The following GRID1 variants were observed in gnomAD, a reference collection of about 807,000 sequenced individuals.
The protein encoded by GRID1 is glutamate receptor ionotropic, delta-1.
Under a neutral mutation model 98.0 loss-of-function variants are expected in GRID1, and 28 were observed. The ratio of observed to expected loss-of-function variants is 0.29; its 90% CI spans 0.21 to 0.39. The LOEUF (loss-of-function observed/expected upper bound fraction) is 0.39. Ranked by LOEUF, GRID1 falls within the 10% of genes least tolerant of loss-of-function variation. The pLI, the probability that GRID1 is intolerant of heterozygous loss-of-function variation, is 1.00. For synonymous variants in GRID1, 553 were observed against 538.5 expected, an observed-to-expected ratio of 1.03 and a Z score of -0.37; for missense variants, 1,111 against 1,340.5, an observed-to-expected ratio of 0.83 and a Z score of 2.67.
At position 85,612,318 on chromosome 10, in the gene GRID1, C is replaced by T. The variant is rs551689774; in HGVS notation, c.2601+1089G>A. Among the ~76,000 whole-genome samples, 94 of 152,290 alleles carry T rather than the reference C, an allele frequency of 6.2e-4. No homozygotes were observed. In the East Asian group the frequency reaches 0.015, roughly 25 times the overall value. On this transcript the variant is annotated intron_variant, in intron 15 of 15. Coordinates refer to ENST00000327946, the MANE Select transcript of GRID1 (RefSeq NM_017551.3). ...TCCCCAAATCAGTCTGAGAAGAGCCCGCCGGCTCTTACCTCCTCCTGGCTG... is the reference window on the plus strand; with the variant it reads ...TCCCCAAATCAGTCTGAGAAGAGCCTGCCGGCTCTTACCTCCTCCTGGCTG...
intron 2 of GRID1, among the ~76,000 whole-genome samples, chr10:86,273,134 T>C (rs1176958302): frequency 1.3e-5 from 2 of 150,752 alleles, no homozygotes; most frequent in Non-Finnish European, 3.0e-5. Context: ...CATTGTTCAA[T>C]TCCCACCTAT....
chr10:85,814,603 T>A (rs1174726201), intron 8 of GRID1, among the ~76,000 whole-genome samples: 6 of 151,862 alleles, frequency 4.0e-5, no homozygotes, highest in African/African-American at 1.4e-4. Flanking sequence ...GGAATTAAAA[T>A]AGGACATTAC....
At chr10:85,681,048 T>C (rs1841203065) in intron 12 of GRID1, among the ~76,000 whole-genome samples, 1 of 152,208 alleles carries the variant, frequency 6.6e-6, no homozygotes, top group South Asian at 2.1e-4. Context: ...ATTTGGGTGA[T>C]GACTACACTA....
intron 3 of GRID1, among the ~76,000 whole-genome samples, chr10:86,201,340 G>A (rs192496582): frequency 9.9e-5 from 15 of 152,202 alleles, no homozygotes; most frequent in Middle Eastern, 3.4e-3. Context: ...TATATGAGTC[G>A]CAAACCAACC....
At chr10:85,854,701 C>T in intron 7 of GRID1, 86 bp from the exon 8 acceptor site, 2 of 1,399,142 alleles carry the variant, frequency 1.4e-6, no homozygotes, top group Non-Finnish European at 2.0e-6. Context: ...AGGAAGTGGT[C>T]ACCAAGAACG....
chr10:86,117,091 C>G (rs1285149692), intron 4 of GRID1, among the ~76,000 whole-genome samples: 1 of 140,534 alleles, frequency 7.1e-6, no homozygotes, highest in Non-Finnish European at 1.7e-5. Context: ...ACCTTTACCA[C>G]CACCACCATT....
intron 4 of GRID1, among the ~76,000 whole-genome samples, chr10:86,008,117 A>G (rs1361602157): frequency 1.3e-5 from 2 of 152,280 alleles, no homozygotes; most frequent in Admixed American, 6.5e-5. Flanking sequence ...TGTTGGCCTG[A>G]TTACCCCTGA....
intron 2 of GRID1, among the ~76,000 whole-genome samples, chr10:86,348,377 A>G (rs1464380254): frequency 6.6e-6 from 1 of 152,224 alleles, no homozygotes; most frequent in African/African-American, 2.4e-5. Flanking sequence ...CGGCCAGGAA[A>G]GGCCTCCTGA....
chr10:86,321,099 CAAAAAAAA>C (rs71487246), intron 2 of GRID1, among the ~76,000 whole-genome samples: 1 of 89,736 alleles, frequency 1.1e-5, no homozygotes, highest in African/African-American at 3.9e-5. Flanking sequence ...GACTCCATCT[CAAAAAAAA>C]AAAAGAAAAA....
intron 4 of GRID1, among the ~76,000 whole-genome samples, chr10:85,963,030 C>G (rs1215577074): frequency 1.3e-5 from 2 of 152,148 alleles, no homozygotes; most frequent in Admixed American, 6.5e-5. Context: ...GCTGCCCAAC[C>G]CAGCCAGGGA....
At chr10:86,222,733 G>T (rs1321007750) in intron 2 of GRID1, among the ~76,000 whole-genome samples, 1 of 152,192 alleles carries the variant, frequency 6.6e-6, no homozygotes, top group Non-Finnish European at 1.5e-5. Context: ...GGGCAAAACT[G>T]CATTATGCCA....
intron 2 of GRID1, among the ~76,000 whole-genome samples, chr10:86,284,730 G>A (rs1486562240): frequency 6.6e-6 from 1 of 152,268 alleles, no homozygotes; most frequent in Non-Finnish European, 1.5e-5. Context: ...AAACGTGGAT[G>A]CTGTGGGGAA....
intron 12 of GRID1, among the ~76,000 whole-genome samples, chr10:85,700,558 G>T (rs4933380): frequency 0.044 from 6,670 of 152,250 alleles, 195 homozygotes; most frequent in Non-Finnish European, 0.062. Flanking sequence ...CTATTAAAAG[G>T]TGCCTGTAGT....
At chr10:86,072,531 C>T (rs1843819079) in intron 4 of GRID1, among the ~76,000 whole-genome samples, 1 of 152,136 alleles carries the variant, frequency 6.6e-6, no homozygotes, top group Non-Finnish European at 1.5e-5. Flanking sequence ...TCAGGAAATA[C>T]AGATACGTTT....
intron 3 of GRID1, among the ~76,000 whole-genome samples, chr10:86,183,987 T>A (rs1209090636): frequency 1.3e-5 from 2 of 152,230 alleles, no homozygotes; most frequent in African/African-American, 4.8e-5. Flanking sequence ...TGAAATAGCA[T>A]GTTCTGTGGC....
intron 2 of GRID1, among the ~76,000 whole-genome samples, chr10:86,215,260 A>T (rs1846158775): frequency 6.6e-6 from 1 of 152,196 alleles, no homozygotes; most frequent in Non-Finnish European, 1.5e-5. Flanking sequence ...GTCCTGAGGA[A>T]TGACGGACTG....
chr10:85,808,201 C>A (rs1372633457), intron 8 of GRID1, among the ~76,000 whole-genome samples: 1 of 152,124 alleles, frequency 6.6e-6, no homozygotes, highest in Non-Finnish European at 1.5e-5. Context: ...GCAGGAGGCC[C>A]ATATTCACAC....
At chr10:86,013,789 T>A (rs139157098) in intron 4 of GRID1, among the ~76,000 whole-genome samples, 1 of 152,340 alleles carries the variant, frequency 6.6e-6, no homozygotes, top group East Asian at 1.9e-4. Flanking sequence ...AGGGCATAAG[T>A]TAGCAGGTAT....
intron 4 of GRID1, among the ~76,000 whole-genome samples, chr10:86,017,415 C>G (rs1409429307): frequency 1.3e-5 from 2 of 152,178 alleles, no homozygotes; most frequent in Non-Finnish European, 2.9e-5. Flanking sequence ...AAGCACTGAC[C>G]CCACCCCAGT....
Sources: gnomAD v4.1 joint callset for allele counts (sites outside exome capture counted in the v4.1 genomes callset) on GRCh38, gnomAD v4.1.1 for gene constraint, MANE v1.5 for transcripts, NCBI Gene and HGNC (gene_info 2026-07-23, HGNC 2026-07-21) for gene names.